Variants in PTPRT observed in about 807,000 individuals in gnomAD.
The protein encoded by PTPRT is receptor-type tyrosine-protein phosphatase T.
PTPRT carries 56 observed loss-of-function variants against 176.8 expected under a neutral mutation model. The observed-to-expected ratio is 0.32, with a 90% CI of 0.26 to 0.40. The LOEUF (loss-of-function observed/expected upper bound fraction) is 0.40, where lower values mean the gene tolerates loss of function less well. PTPRT is among the 10% of genes least tolerant of loss of function. The pLI is 1.00. For missense variants in PTPRT, 1,540 were observed against 1,908.2 expected, an observed-to-expected ratio of 0.81 and a Z score of 3.60; for synonymous variants, 783 against 739.0, an observed-to-expected ratio of 1.06 and a Z score of -0.96.
chr20:42,574,210 G>A (rs1177936488), intron 7 of PTPRT, among the ~76,000 whole-genome samples: 1 of 152,162 alleles, frequency 6.6e-6, no homozygotes, highest in Non-Finnish European at 1.5e-5. Context: ...AGAGTTTACA[G>A]TCAAAAACCC....
chr20:42,146,367 T>C (rs1282755896), intron 17 of PTPRT, among the ~76,000 whole-genome samples: 1 of 152,210 alleles, frequency 6.6e-6, no homozygotes, highest in African/African-American at 2.4e-5. Flanking sequence ...CAGGATAGCA[T>C]GACTGTTTTC....
At chr20:42,718,419 T>C (rs4812636) in intron 6 of PTPRT, among the ~76,000 whole-genome samples, 73,418 of 151,934 alleles carry the variant, frequency 0.48, 20,319 homozygotes, top group African/African-American at 0.77. Flanking sequence ...CGCCAGTAGT[T>C]CCAGCTACTC....
At chr20:42,267,620 T>G (rs528632300) in intron 13 of PTPRT, among the ~76,000 whole-genome samples, 1 of 152,302 alleles carries the variant, frequency 6.6e-6, no homozygotes, top group East Asian at 1.9e-4. Context: ...TTGTTACAAT[T>G]GGGGTTGACG....
At chr20:42,034,940 A>T in the PTPRT span, among the ~76,000 whole-genome samples, 1 of 152,114 alleles carries the variant, frequency 6.6e-6, no homozygotes, top group Non-Finnish European at 1.5e-5. Context: ...GCCCAGTCAG[A>T]GCTCTAGGAC....
intron 2 of PTPRT, among the ~76,000 whole-genome samples, chr20:42,821,222 T>G (rs1407193861): frequency 6.6e-6 from 1 of 152,212 alleles, no homozygotes. Flanking sequence ...CATGATCAAG[T>G]TGGCTTCATC....
chr20:42,620,729 T>C (rs2074178210), intron 7 of PTPRT, among the ~76,000 whole-genome samples: 1 of 152,200 alleles, frequency 6.6e-6, no homozygotes. Flanking sequence ...ACCCCTTTCT[T>C]TGACTTCGAA....
chr20:42,360,365 C>G (rs1474137958), intron 9 of PTPRT, among the ~76,000 whole-genome samples: 1 of 152,194 alleles, frequency 6.6e-6, no homozygotes, highest in Non-Finnish European at 1.5e-5. Context: ...ATTCACTCTT[C>G]CCAGCTGCCC....
At chr20:42,812,412 G>T (rs140952964) in intron 2 of PTPRT, among the ~76,000 whole-genome samples, 237 of 152,086 alleles carry the variant, frequency 1.6e-3, no homozygotes, top group African/African-American at 5.4e-3. Context: ...CCCCAGTCTG[G>T]TAACCTCTAA....
chr20:42,689,836 G>A (rs933512171), intron 6 of PTPRT, among the ~76,000 whole-genome samples: 1 of 152,108 alleles, frequency 6.6e-6, no homozygotes, highest in African/African-American at 2.4e-5. Context: ...ATCTACAAAA[G>A]GCAAGGGAAT....
At chr20:43,102,257 T>A (rs1449794665) in intron 1 of PTPRT, among the ~76,000 whole-genome samples, 2 of 149,958 alleles carry the variant, frequency 1.3e-5, no homozygotes, top group African/African-American at 5.0e-5. Context: ...CATCTCTCTC[T>A]CTCTCTCTGT....
At chr20:42,883,142 C>A (rs770814326) in intron 2 of PTPRT, among the ~76,000 whole-genome samples, 39 of 152,064 alleles carry the variant, frequency 2.6e-4, no homozygotes, top group Non-Finnish European at 5.0e-4. Flanking sequence ...TGGGTAGAGA[C>A]AAGGAAGAAA....
At chr20:42,210,669 T>C (rs1279847342) in intron 15 of PTPRT, among the ~76,000 whole-genome samples, 1 of 150,342 alleles carries the variant, frequency 6.7e-6, no homozygotes, top group Non-Finnish European at 1.5e-5. Context: ...TGGAAGAACA[T>C]TCCATGCTCA....
chr20:43,094,005 C>T (rs1043086620), intron 1 of PTPRT, among the ~76,000 whole-genome samples: 2 of 152,096 alleles, frequency 1.3e-5, no homozygotes, highest in East Asian at 1.9e-4. Context: ...GCCCCATCCC[C>T]GTCATTCTCT....
chr20:42,650,504 T>C (rs2075010371), intron 7 of PTPRT, among the ~76,000 whole-genome samples: 1 of 152,154 alleles, frequency 6.6e-6, no homozygotes, highest in Non-Finnish European at 1.5e-5. Flanking sequence ...AGAGGGGGCC[T>C]TTTCAAATCA....
intron 18 of PTPRT, among the ~76,000 whole-genome samples, chr20:42,139,161 C>A (rs550669447): frequency 1.3e-5 from 2 of 151,974 alleles, no homozygotes; most frequent in Non-Finnish European, 1.5e-5. Flanking sequence ...TTATGTCTTG[C>A]GCTGCTTTCT....
At chr20:42,478,232 G>A (rs932217001) in intron 7 of PTPRT, among the ~76,000 whole-genome samples, 11 of 152,134 alleles carry the variant, frequency 7.2e-5, no homozygotes, top group African/African-American at 1.4e-4. Context: ...AAGGGGCCAC[G>A]GGCTGACATT....
chr20:43,088,070 G>A (rs1409057540), intron 1 of PTPRT, among the ~76,000 whole-genome samples: 1 of 152,006 alleles, frequency 6.6e-6, no homozygotes, highest in Non-Finnish European at 1.5e-5. Flanking sequence ...TCAATGTTGA[G>A]ACGATGGATA....
chr20:42,197,886 T>C (rs541806779), intron 16 of PTPRT, among the ~76,000 whole-genome samples: 7 of 152,272 alleles, frequency 4.6e-5, no homozygotes, highest in African/African-American at 1.7e-4. Flanking sequence ...TAAACTAATC[T>C]CTCTTCCCAA....
chr20:42,749,137 G>T (rs1160787201), intron 6 of PTPRT, among the ~76,000 whole-genome samples: 1 of 152,136 alleles, frequency 6.6e-6, no homozygotes, highest in East Asian at 1.9e-4. Flanking sequence ...TGGATGCAGA[G>T]ATCCCACCTT....
Sources: allele counts gnomAD v4.1 joint callset (sites outside exome capture counted in the v4.1 genomes callset), GRCh38; gene constraint gnomAD v4.1.1; transcripts MANE v1.5; gene names NCBI Gene and HGNC (gene_info 2026-07-23, HGNC 2026-07-21).